Variants in ATP8A2 observed in about 807,000 individuals in gnomAD.
ATP8A2 encodes phospholipid-transporting ATPase IB.
Under a neutral mutation model 165.6 loss-of-function variants are expected in ATP8A2, and 100 were observed. The ratio of observed to expected loss-of-function variants is 0.60; its 90% CI spans 0.51 to 0.71. ATP8A2 has a LOEUF of 0.71. Ranked by LOEUF, ATP8A2 falls within the 30% of genes least tolerant of loss-of-function variation. The pLI, the probability that ATP8A2 is intolerant of heterozygous loss-of-function variation, is 0.00. For synonymous variants in ATP8A2, 543 were observed against 548.8 expected, an observed-to-expected ratio of 0.99 and a Z score of 0.15; for missense variants, 1,227 against 1,479.5, an observed-to-expected ratio of 0.83 and a Z score of 2.80.
At chr13:25,794,942 T>C (rs930746469) in intron 27 of ATP8A2, among the ~76,000 whole-genome samples, 1 of 151,810 alleles carries the variant, frequency 6.6e-6, no homozygotes, top group Non-Finnish European at 1.5e-5. Context: ...GTCCAGCTCA[T>C]GCACAAGTGT....
intron 1 of ATP8A2, among the ~76,000 whole-genome samples, chr13:25,460,612 G>A (rs926922415): frequency 6.6e-6 from 1 of 152,116 alleles, no homozygotes; most frequent in African/African-American, 2.4e-5. Context: ...ATACATCTAA[G>A]GTATAAAATG....
intron 33 of ATP8A2, among the ~76,000 whole-genome samples, chr13:25,945,692 A>G (rs1164560928): frequency 6.6e-6 from 1 of 152,212 alleles, no homozygotes; most frequent in Non-Finnish European, 1.5e-5. Context: ...TTTCAGTTGC[A>G]GTTGTCAGAG....
At chr13:25,927,061 T>C (rs2139054771) in intron 33 of ATP8A2, 1 of 446,706 alleles carries the variant, frequency 2.2e-6, no homozygotes, top group Non-Finnish European at 4.6e-6. Context: ...TTGTGTTTGA[T>C]TTGCCTCCTA....
At chr13:25,521,577 T>C (rs536590843) in intron 2 of ATP8A2, among the ~76,000 whole-genome samples, 21 of 152,328 alleles carry the variant, frequency 1.4e-4, no homozygotes, top group African/African-American at 5.1e-4. Context: ...GGTCTAGATT[T>C]CTTTTTTGAT....
chr13:25,472,666 C>T (rs1474076978), intron 2 of ATP8A2, among the ~76,000 whole-genome samples: 1 of 152,048 alleles, frequency 6.6e-6, no homozygotes, highest in Non-Finnish European at 1.5e-5. Context: ...TTCTTAGAGG[C>T]AGGGCATGGA....
rs1292176237 is a variant in ATP8A2, at chr13:25,927,349, A to G, written c.3184-34226A>G. ...GTGTTTGGTTTTTTTCTTTGAAAATAAATCAGGTTTGACTTTTGGGGGCCC... is the reference window on the plus strand; with the variant it reads ...GTGTTTGGTTTTTTTCTTTGAAAATGAATCAGGTTTGACTTTTGGGGGCCC... On this transcript the variant is annotated intron_variant, in intron 33 of 36. Coordinates refer to ENST00000381655, the MANE Select transcript of ATP8A2 (RefSeq NM_016529.6). The G allele has an allele frequency of 1.1e-5, 4 of 371,356 alleles. No homozygotes were observed. In the Admixed American group the frequency reaches 1.3e-4, roughly 12 times the overall value. 23.0% of individuals were successfully genotyped at this position (371,356 alleles called of 1,614,324 possible). A position where few individuals can be genotyped will look rare whatever the true frequency, so the allele number is the denominator to read the frequency against.
intron 18 of ATP8A2, among the ~76,000 whole-genome samples, chr13:25,573,464 T>C (rs1357919919): frequency 2.0e-5 from 3 of 152,136 alleles, no homozygotes; most frequent in Admixed American, 6.5e-5. Flanking sequence ...ATAACAGTAA[T>C]AAAAAGAATC....
chr13:25,829,629 C>T (rs1182461230), intron 28 of ATP8A2, among the ~76,000 whole-genome samples: 3 of 129,712 alleles, frequency 2.3e-5, no homozygotes, highest in Non-Finnish European at 4.8e-5. Context: ...AATGCTGAGA[C>T]CTAGGAGAGA....
intron 28 of ATP8A2, among the ~76,000 whole-genome samples, chr13:25,835,683 CCTT>C (rs1336651478): frequency 6.6e-6 from 1 of 152,080 alleles, no homozygotes; most frequent in African/African-American, 2.4e-5. Context: ...CTTCCAAGCA[CCTT>C]CTTCAGCTCC....
intron 36 of ATP8A2, among the ~76,000 whole-genome samples, chr13:26,014,075 G>A (rs1165492719): frequency 6.6e-6 from 1 of 152,208 alleles, no homozygotes; most frequent in Non-Finnish European, 1.5e-5. Flanking sequence ...AGAGAGGTAA[G>A]TCAAGAAGTT....
chr13:25,962,039 CAAAA>C (rs1453375765), intron 34 of ATP8A2, among the ~76,000 whole-genome samples: 1 of 151,800 alleles, frequency 6.6e-6, no homozygotes, highest in South Asian at 2.1e-4. Flanking sequence ...TAAAAAGAAA[CAAAA>C]AGAAAAGAAA....
chr13:25,563,039 T>TA (rs1437483385), intron 15 of ATP8A2, among the ~76,000 whole-genome samples: 1 of 152,214 alleles, frequency 6.6e-6, no homozygotes, highest in Non-Finnish European at 1.5e-5. Flanking sequence ...TCTGTGCTGT[T>TA]ACGTATTTCA....
Position 25,414,533 on chromosome 13 carries a change from A to G in ATP8A2, c.76+42245A>G, listed in dbSNP as rs577380915. On this transcript the variant is annotated intron_variant, in intron 1 of 36. Transcript: ENST00000381655. Reference sequence around the variant, plus strand: ...ACAGAAGTACTCATCATAATAAACTATATAAGTAAATGTAATAAATTTTAG... The same window carrying G: ...ACAGAAGTACTCATCATAATAAACTGTATAAGTAAATGTAATAAATTTTAG... Among the ~76,000 whole-genome samples the G allele has an allele frequency of 1.6e-4, 24 of 152,262 alleles. No homozygotes were observed. In the South Asian group the frequency reaches 1.9e-3, roughly 12 times the overall value.
intron 30 of ATP8A2, among the ~76,000 whole-genome samples, chr13:25,842,699 A>C (rs1260872901): frequency 6.6e-6 from 1 of 151,480 alleles, no homozygotes; most frequent in Non-Finnish European, 1.5e-5. Flanking sequence ...GAAAAAGAAA[A>C]GAAAAGGAAA....
chr13:25,908,770 G>T, intron 33 of ATP8A2, among the ~76,000 whole-genome samples: 1 of 152,224 alleles, frequency 6.6e-6, no homozygotes, highest in East Asian at 1.9e-4. Flanking sequence ...CAGAGGAGAA[G>T]CTCTTCCCTG....
At chr13:25,731,429 GATAA>G (rs2043641309) in intron 25 of ATP8A2, among the ~76,000 whole-genome samples, 1 of 152,028 alleles carries the variant, frequency 6.6e-6, no homozygotes, top group South Asian at 2.1e-4. Flanking sequence ...TGGGAATAAA[GATAA>G]GGATTAAAGC....
intron 27 of ATP8A2, among the ~76,000 whole-genome samples, chr13:25,788,869 T>A (rs1453510769): frequency 1.3e-5 from 2 of 152,206 alleles, no homozygotes; most frequent in African/African-American, 4.8e-5. Context: ...ATCTGTGGCC[T>A]CATCTTCTCC....
intron 1 of ATP8A2, among the ~76,000 whole-genome samples, chr13:25,398,294 TC>T (rs1427605274): frequency 1.3e-5 from 2 of 151,780 alleles, no homozygotes; most frequent in East Asian, 3.9e-4. Context: ...CTAAAAAGAG[TC>T]TATTTTGTCA....
At chr13:25,555,186 C>A (rs2038944722) in intron 13 of ATP8A2, 118 bp downstream of exon 13, 1 of 701,580 alleles carries the variant, frequency 1.4e-6, no homozygotes, top group Non-Finnish European at 2.5e-6. Flanking sequence ...ATGGCTAGAA[C>A]ATCTGAAGAG....
Sources: gnomAD v4.1 joint callset for allele counts (sites outside exome capture counted in the v4.1 genomes callset) on GRCh38, gnomAD v4.1.1 for gene constraint, MANE v1.5 for transcripts, NCBI Gene and HGNC (gene_info 2026-07-23, HGNC 2026-07-21) for gene names.